The following LINGO2 variants were observed in gnomAD, a reference collection of about 807,000 sequenced individuals.
The protein encoded by LINGO2 is leucine rich repeat and Ig domain containing 2, also known as leucine-rich repeat and immunoglobulin-like domain-containing nogo receptor-interacting protein 2.
Under a neutral mutation model 30.6 loss-of-function variants are expected in LINGO2, and 14 were observed. The observed-to-expected ratio is 0.46, with a 90% CI of 0.30 to 0.72. The LOEUF is 0.72. Among genes scored for constraint, LINGO2 ranks in the 30% least tolerant of loss-of-function variants. The pLI is 0.07. For synonymous variants in LINGO2, 317 were observed against 288.5 expected, an observed-to-expected ratio of 1.10 and a Z score of -1.00; for missense variants, 729 against 751.7, an observed-to-expected ratio of 0.97 and a Z score of 0.35.
the LINGO2 span, among the ~76,000 whole-genome samples, chr9:29,144,349 G>A: frequency 6.6e-6 from 1 of 152,020 alleles, no homozygotes; most frequent in Non-Finnish European, 1.5e-5. Flanking sequence ...AATTGCTTTG[G>A]GCAGGATGGT....
intron 3 of LINGO2, among the ~76,000 whole-genome samples, chr9:28,309,060 G>C (rs1340403258): frequency 1.3e-5 from 2 of 152,082 alleles, no homozygotes; most frequent in African/African-American, 4.8e-5. Context: ...AATACCATTT[G>C]ACCCAGCCAT....
At chr9:28,036,691 T>C (rs1353148641) in intron 4 of LINGO2, among the ~76,000 whole-genome samples, 1 of 152,178 alleles carries the variant, frequency 6.6e-6, no homozygotes, top group African/African-American at 2.4e-5. Context: ...CATGATTCAA[T>C]GGAGGACAGT....
At chr9:28,088,611 C>G (rs1267004333) in intron 4 of LINGO2, among the ~76,000 whole-genome samples, 2 of 151,662 alleles carry the variant, frequency 1.3e-5, no homozygotes, top group Non-Finnish European at 3.0e-5. Flanking sequence ...AGAAATAGAG[C>G]CTTTAGCACG....
chr9:28,893,330 T>C, the LINGO2 span, among the ~76,000 whole-genome samples: 1 of 152,052 alleles, frequency 6.6e-6, no homozygotes, highest in African/African-American at 2.4e-5. Flanking sequence ...CTATTTTTAA[T>C]GGCCAACTAT....
At chr9:28,584,373 T>C (rs986813351) in intron 1 of LINGO2, among the ~76,000 whole-genome samples, 2 of 152,128 alleles carry the variant, frequency 1.3e-5, no homozygotes, top group African/African-American at 2.4e-5. Context: ...AATCATACTT[T>C]AATTCTAAAC....
At chr9:28,580,087 G>A (rs1045922046) in intron 1 of LINGO2, among the ~76,000 whole-genome samples, 2 of 152,072 alleles carry the variant, frequency 1.3e-5, no homozygotes, top group East Asian at 3.9e-4. Flanking sequence ...TGCAGAATGT[G>A]TGTATGTCTT....
At chr9:28,648,792 G>A (rs1379720190) in intron 1 of LINGO2, among the ~76,000 whole-genome samples, 2 of 152,066 alleles carry the variant, frequency 1.3e-5, no homozygotes, top group African/African-American at 4.8e-5. Context: ...GCAAATACAT[G>A]TATGTGTGTT....
chr9:28,473,452 G>T, intron 2 of LINGO2, among the ~76,000 whole-genome samples: 1 of 151,714 alleles, frequency 6.6e-6, no homozygotes, highest in Admixed American at 6.6e-5. Flanking sequence ...CACACTGTGA[G>T]CATGCACACA....
chr9:28,821,319 C>A, the LINGO2 span, among the ~76,000 whole-genome samples: 1 of 152,092 alleles, frequency 6.6e-6, no homozygotes, highest in Non-Finnish European at 1.5e-5. Flanking sequence ...GAGTTTCCAA[C>A]AGAAGGAGTA....
chr9:29,196,320 T>C, the LINGO2 span, among the ~76,000 whole-genome samples: 6 of 152,118 alleles, frequency 3.9e-5, no homozygotes, highest in Non-Finnish European at 8.8e-5. Flanking sequence ...CTTTCTTTTC[T>C]ATTTATCATG....
chr9:27,969,017 A>G (rs541975575), intron 5 of LINGO2, among the ~76,000 whole-genome samples: 1 of 152,110 alleles, frequency 6.6e-6, no homozygotes, highest in Non-Finnish European at 1.5e-5. Context: ...AATCACATTA[A>G]TATTTACATT....
At chr9:28,641,761 G>A (rs1007662830) in intron 1 of LINGO2, among the ~76,000 whole-genome samples, 2 of 152,322 alleles carry the variant, frequency 1.3e-5, no homozygotes, top group East Asian at 1.9e-4. Flanking sequence ...ACACAGTGAT[G>A]TGCAAAAGGA....
At chr9:28,708,536 T>TG in the LINGO2 span, among the ~76,000 whole-genome samples, 18 of 152,086 alleles carry the variant, frequency 1.2e-4, no homozygotes, top group Admixed American at 7.9e-4. Flanking sequence ...TATCTTTGTC[T>TG]GGGGGGAGAA....
intron 3 of LINGO2, among the ~76,000 whole-genome samples, chr9:28,352,600 C>G (rs1170968140): frequency 7.2e-6 from 1 of 138,576 alleles, no homozygotes; most frequent in Non-Finnish European, 1.5e-5. Context: ...ATATTCAATG[C>G]CATCCCCATC....
the LINGO2 span, among the ~76,000 whole-genome samples, chr9:29,108,791 G>C: frequency 1.3e-5 from 2 of 152,124 alleles, no homozygotes; most frequent in African/African-American, 4.8e-5. Flanking sequence ...ACTGAAGTGG[G>C]CACCAACACT....
At chr9:28,204,178 TACTC>T (rs1419323645) in intron 4 of LINGO2, among the ~76,000 whole-genome samples, 1 of 152,192 alleles carries the variant, frequency 6.6e-6, no homozygotes, top group Non-Finnish European at 1.5e-5. Flanking sequence ...CATCATGTAT[TACTC>T]TAACTATATC....
At chr9:29,077,769 T>C in the LINGO2 span, among the ~76,000 whole-genome samples, 1 of 151,738 alleles carries the variant, frequency 6.6e-6, no homozygotes, top group African/African-American at 2.4e-5. Context: ...TGCCATGAAA[T>C]GAAACAATGT....
At chr9:28,443,726 C>G (rs1337242966) in intron 2 of LINGO2, among the ~76,000 whole-genome samples, 1 of 152,210 alleles carries the variant, frequency 6.6e-6, no homozygotes, top group East Asian at 1.9e-4. Flanking sequence ...GGCCAGGGAG[C>G]TGAGGGTGAC....
the LINGO2 span, among the ~76,000 whole-genome samples, chr9:28,777,565 A>G: frequency 6.6e-6 from 1 of 152,224 alleles, no homozygotes; most frequent in Non-Finnish European, 1.5e-5. Context: ...CAAATTCTCC[A>G]GAAAGATATA....
Sources: gnomAD v4.1 joint callset for allele counts (sites outside exome capture counted in the v4.1 genomes callset) on GRCh38, gnomAD v4.1.1 for gene constraint, MANE v1.5 for transcripts, NCBI Gene and HGNC (gene_info 2026-07-23, HGNC 2026-07-21) for gene names.